DNAI7: variants seen among roughly 807,000 people sequenced by gnomAD.
The protein encoded by DNAI7 is dynein axonemal intermediate chain 7.
Under a neutral mutation model 86.6 loss-of-function variants are expected in DNAI7, and 78 were observed. The ratio of observed to expected loss-of-function variants is 0.90; its 90% CI spans 0.75 to 1.09. The LOEUF is 1.09. DNAI7 is among the 50% of genes least tolerant of loss of function. The pLI is 0.00. For missense variants in DNAI7, 753 were observed against 810.2 expected (o/e 0.93, Z 0.86); for synonymous variants, 274 against 273.0 (o/e 1.00, Z -0.04).
At chr12:25,193,701 C>A (rs1372222470) in intron 1 of DNAI7, among the ~76,000 whole-genome samples, 1 of 151,902 alleles carries the variant, frequency 6.6e-6, no homozygotes, top group Admixed American at 6.6e-5. Flanking sequence ...AGAAGAAACT[C>A]AGGTAACAAA....
intron 4 of DNAI7, 37 bp from the exon 5 acceptor site, chr12:25,155,449 A>T (rs774690938): frequency 3.5e-6 from 4 of 1,133,458 alleles, no homozygotes; most frequent in Non-Finnish European, 5.1e-6. Context: ...TCAGCTCTTT[A>T]ATTTTAACTT....
chr12:25,147,943 T>C (rs1945076402), intron 7 of DNAI7, among the ~76,000 whole-genome samples: 1 of 152,186 alleles, frequency 6.6e-6, no homozygotes, highest in Admixed American at 6.5e-5. Flanking sequence ...TTCAAGTATG[T>C]TAAGAATTTT....
chr12:25,190,198 G>A (rs952335964), intron 2 of DNAI7, among the ~76,000 whole-genome samples: 1 of 152,036 alleles, frequency 6.6e-6, no homozygotes, highest in Non-Finnish European at 1.5e-5. Flanking sequence ...AACCCACCAA[G>A]TATGTGTTAC....
intron 9 of DNAI7, among the ~76,000 whole-genome samples, chr12:25,124,708 A>G (rs552234205): frequency 1.3e-5 from 2 of 152,206 alleles, no homozygotes; most frequent in East Asian, 3.9e-4. Context: ...TGTACAGATT[A>G]TCTCATCACC....
rs537199526 is a variant in DNAI7 at position 25,145,228 on chromosome 12, T to C, written c.690-551A>G. 2.4e-4 allele frequency among the ~76,000 whole-genome samples: 36 copies of C among 152,334 alleles called. No individual in the cohort carries two copies. The South Asian group carries it at 7.0e-3, about 30-fold the overall frequency. Reference sequence around the variant, plus strand: ...AAAAGTGAAGAACCATTGGTCTATATGTTGATGACTCCTCAAAATATACTA... The same window carrying C: ...AAAAGTGAAGAACCATTGGTCTATACGTTGATGACTCCTCAAAATATACTA... On this transcript the variant is annotated intron_variant, in intron 8 of 15. Coordinates refer to ENST00000395987, the MANE Select transcript of DNAI7 (RefSeq NM_018272.5).
chr12:25,147,308 A>G (rs986302610), intron 7 of DNAI7, among the ~76,000 whole-genome samples: 1 of 152,212 alleles, frequency 6.6e-6, no homozygotes, highest in African/African-American at 2.4e-5. Flanking sequence ...ACTTACTTAA[A>G]TATGCATCTC....
chr12:25,174,698 G>GATATATATATGGAATATAT (rs1565813706), intron 2 of DNAI7, among the ~76,000 whole-genome samples: 2 of 79,386 alleles, frequency 2.5e-5, no homozygotes, highest in Non-Finnish European at 4.8e-5. Flanking sequence ...ATGGAATATA[G>GATATATATATGGAATATAT]ATATCATACA....
At chr12:25,189,632 A>T (rs912439784) in intron 2 of DNAI7, among the ~76,000 whole-genome samples, 14 of 152,152 alleles carry the variant, frequency 9.2e-5, no homozygotes, top group African/African-American at 3.4e-4. Flanking sequence ...TCAGAGTGAG[A>T]CCCTGTCTCT....
intron 9 of DNAI7, among the ~76,000 whole-genome samples, chr12:25,128,034 A>C (rs781140407): frequency 5.3e-4 from 81 of 152,252 alleles, no homozygotes; most frequent in Non-Finnish European, 7.3e-4. Flanking sequence ...AACTAAACCA[A>C]TCAAAAGCTA....
intron 3 of DNAI7, among the ~76,000 whole-genome samples, chr12:25,160,073 C>T (rs1295744820): frequency 6.6e-6 from 1 of 152,014 alleles, no homozygotes; most frequent in Non-Finnish European, 1.5e-5. Flanking sequence ...AGAATTTTTA[C>T]TGAACAAACA....
intron 2 of DNAI7, among the ~76,000 whole-genome samples, chr12:25,173,934 A>AATCATATATATGGAATATATAT (rs1555180966): frequency 0.72 from 103,316 of 142,954 alleles, 37,681 homozygotes; most frequent in East Asian, 0.77. Context: ...TATCATATAT[A>AATCATATATATGGAATATATAT]ATCATATATA....
intron 9 of DNAI7, among the ~76,000 whole-genome samples, chr12:25,123,574 A>C (rs1941651167): frequency 6.6e-6 from 1 of 152,218 alleles, no homozygotes; most frequent in Non-Finnish European, 1.5e-5. Flanking sequence ...AGCTATAAAA[A>C]ATATTATTTA....
At chr12:25,177,443 A>G (rs1320273617) in intron 2 of DNAI7, among the ~76,000 whole-genome samples, 3 of 152,196 alleles carry the variant, frequency 2.0e-5, no homozygotes, top group African/African-American at 7.2e-5. Flanking sequence ...TTTGTGATTT[A>G]CTTCTTTAGA....
chr12:25,179,081 TA>T, intron 2 of DNAI7, among the ~76,000 whole-genome samples: 1 of 152,296 alleles, frequency 6.6e-6, no homozygotes, highest in Non-Finnish European at 1.5e-5. Context: ...AATTTTTAAG[TA>T]TTTTCCTTAA....
intron 2 of DNAI7, among the ~76,000 whole-genome samples, chr12:25,188,694 A>G (rs1242002232): frequency 6.6e-6 from 1 of 151,388 alleles, no homozygotes; most frequent in Admixed American, 6.6e-5. Flanking sequence ...AAAAAAAAAA[A>G]AAGTAAGCGA....
At position 25,151,835 on chromosome 12, in the gene DNAI7, A is replaced by C. The variant is rs563956891; in HGVS notation, c.439-2061T>G. Among the ~76,000 whole-genome samples, 182 of 152,334 alleles carry C rather than the reference A, an allele frequency of 1.2e-3. 1 individual carries two copies. Among genetic ancestry groups the C allele is most frequent in the South Asian group, 6.0e-3 (29 of 4,828 alleles). ...TGTTTATTTGTTAAATGACTCTTAT[A>C]ATCTTGTTGTTTAGATTAAATCTCG... On this transcript the variant is annotated intron_variant, in intron 6 of 15. Coordinates refer to ENST00000395987, the MANE Select transcript of DNAI7 (RefSeq NM_018272.5).
chr12:25,114,554 T>C (rs779701390), intron 13 of DNAI7, 102 bp downstream of exon 13: 1 of 683,130 alleles, frequency 1.5e-6, no homozygotes, highest in Non-Finnish European at 2.6e-6. Flanking sequence ...TATATTTCAA[T>C]ATATAAATCA....
intron 9 of DNAI7, among the ~76,000 whole-genome samples, chr12:25,126,670 A>G (rs921763300): frequency 2.0e-5 from 3 of 152,170 alleles, no homozygotes; most frequent in African/African-American, 7.2e-5. Flanking sequence ...GGTTTGGGGG[A>G]AAAGTAATGA....
chr12:25,145,594 TTTTG>T (rs1330124981), intron 8 of DNAI7, among the ~76,000 whole-genome samples: 1 of 152,214 alleles, frequency 6.6e-6, no homozygotes, highest in Admixed American at 6.5e-5. Context: ...AAGTTGGTTT[TTTTG>T]TTTTTCATAG....
Sources: allele counts gnomAD v4.1 joint callset (sites outside exome capture counted in the v4.1 genomes callset), GRCh38; gene constraint gnomAD v4.1.1; transcripts MANE v1.5; gene names NCBI Gene and HGNC (gene_info 2026-07-23, HGNC 2026-07-21).